The following ZNF331 variants were observed in gnomAD, a reference collection of about 807,000 sequenced individuals.
ZNF331 encodes C2H2-like zinc finger protein rearranged in thyroid adenomas.
Under a neutral mutation model 7.0 loss-of-function variants are expected in ZNF331, and 2 were observed. The observed-to-expected ratio is 0.29, with a 90% confidence interval of 0.12 to 0.90. The LOEUF (loss-of-function observed/expected upper bound fraction) is 0.90. Among genes scored for constraint, ZNF331 ranks in the 40% least tolerant of loss-of-function variants. The pLI is 0.58. For missense variants in ZNF331, 432 were observed against 587.7 expected, an observed-to-expected ratio of 0.74 and a Z score of 2.74; for synonymous variants, 196 against 205.4, an observed-to-expected ratio of 0.95 and a Z score of 0.39.
At chr19:53,508,550 T>C in the ZNF331 span, among the ~76,000 whole-genome samples, 1 of 152,180 alleles carries the variant, frequency 6.6e-6, no homozygotes, top group Non-Finnish European at 1.5e-5. Context: ...TTTGGATGTC[T>C]CTTCTTGACG....
chr19:53,558,870 CAT>C lies in ZNF331; in HGVS notation c.-74+2964_-74+2965del, dbSNP rs1039901588. 4.1e-5 allele frequency among the ~76,000 whole-genome samples: 6 copies of C among 144,894 alleles called. No homozygotes were observed. Among genetic ancestry groups the C allele is most frequent in the Non-Finnish European group, 9.0e-5 (6 of 66,816 alleles). ...CACACCATACACACATATACACACA[CAT>C]ACCCCATATATACACACATATACAC... is the stretch of plus-strand genomic sequence containing the variant. On this transcript the variant is annotated intron_variant, in intron 3 of 5. Coordinates refer to ENST00000449416, the MANE Select transcript of ZNF331 (RefSeq NM_001079906.2). The surrounding 1 kb of genome is among the most constrained non-coding windows in gnomAD (Gnocchi z 4.5).
At chr19:53,542,143 T>A (rs1364852914) in intron 2 of ZNF331, among the ~76,000 whole-genome samples, 1 of 152,234 alleles carries the variant, frequency 6.6e-6, no homozygotes, top group Non-Finnish European at 1.5e-5. Flanking sequence ...CTCCAAATCT[T>A]AATTTATAAA....
Position 53,578,053 on chromosome 19 carries a change from T to C in ZNF331, c.*101T>C. 7.3e-7 allele frequency: 1 copy of C among 1,362,986 alleles called. No individual in the cohort carries two copies. The highest frequency in any genetic ancestry group is 2.5e-5 in the East Asian group (1 of 40,412). The allele number at this position is 1,362,986 out of a possible 1,614,324, so 84.4% of individuals were successfully genotyped here. A position where few individuals can be genotyped will look rare whatever the true frequency, so the allele number is the denominator to read the frequency against. On this transcript the variant is annotated 3_prime_UTR_variant, in exon 6 of 6. Transcript: ENST00000449416. ...AGTTCAAAAATATTAAATGGAAAAT[T>C]CCAGAAATAAAGAATTTTAAGTCTC...
In ZNF331 at chr19:53,559,936, TAC is replaced by T. The variant is rs749372402; in HGVS notation, c.-74+4030_-74+4031del. Among the ~76,000 whole-genome samples the T allele has an allele frequency of 4.3e-4, 62 of 144,108 alleles. No individual in the cohort carries two copies. The Middle Eastern group carries it at 0.02, about 46-fold the overall frequency. The allele number at this position is 144,108 out of a possible 152,430, so 94.5% of individuals were successfully genotyped here. A position where few individuals can be genotyped will look rare whatever the true frequency, so the allele number is the denominator to read the frequency against. ...CATACATACCCACACCATACACACATACATACACACCACACACACACATATAC... is the reference window on the plus strand; with the variant it reads ...CATACATACCCACACCATACACACATATACACACCACACACACACATATAC... On this transcript the variant is annotated intron_variant, in intron 3 of 5. Coordinates refer to ENST00000449416, the MANE Select transcript of ZNF331 (RefSeq NM_001079906.2).
chr19:53,507,934 A>G, the ZNF331 span, among the ~76,000 whole-genome samples: 1 of 152,016 alleles, frequency 6.6e-6, no homozygotes, highest in Admixed American at 6.6e-5. Flanking sequence ...TGGAGGTTAC[A>G]AAAAAAATCA....
intron 3 of ZNF331, among the ~76,000 whole-genome samples, chr19:53,565,229 G>A (rs1345977516): frequency 6.6e-6 from 1 of 152,198 alleles, no homozygotes; most frequent in Non-Finnish European, 1.5e-5. Context: ...ACTCAGAGAG[G>A]TGCCAGGAAG....
chr19:53,551,040 T>C lies in ZNF331; in HGVS notation c.-137-4805T>C, dbSNP rs1404143828. On this transcript the variant is annotated intron_variant, in intron 2 of 5. Coordinates refer to ENST00000449416, the MANE Select transcript of ZNF331 (RefSeq NM_001079906.2). ...TAGAGATGGGGTTTCACCATGTTGG[T>C]CAGGCTGGTGTCGAACTCCTGACTT... is the stretch of plus-strand genomic sequence containing the variant. Among the ~76,000 whole-genome samples the C allele has an allele frequency of 2.0e-5, 3 of 150,248 alleles. No homozygotes were observed. In the East Asian group the frequency reaches 6.0e-4, roughly 30 times the overall value.
At chr19:53,522,709 A>G (rs756182707) in intron 2 of ZNF331, 14 of 152,288 alleles carry the variant, frequency 9.2e-5, no homozygotes, top group East Asian at 5.8e-4. Context: ...TGTTCATTCA[A>G]TGATTTGTAT....
intron 3 of ZNF331, among the ~76,000 whole-genome samples, chr19:53,567,539 C>A (rs143063891): frequency 2.0e-5 from 3 of 152,084 alleles, no homozygotes; most frequent in Admixed American, 1.3e-4. Flanking sequence ...TTCCTCAAAC[C>A]GCCCTCAGGT....
chr19:53,539,380 CCT>C lies in ZNF331; in HGVS notation c.-138+101_-138+102del, dbSNP rs1185694225. ...GACCAAGATTTGAGTCCTGTTTCTG[CCT>C]CTTAGCTTTTTGAGCCTTCTGAAGA... On this transcript the variant is annotated intron_variant, in intron 2 of 5. Transcript: ENST00000449416. This position sits in a 1 kb window ranked among gnomAD's most constrained non-coding sequence, Gnocchi z 6.1. 6.6e-6 allele frequency: 1 copy of C among 152,044 alleles called. No homozygotes were observed. Among genetic ancestry groups the C allele is most frequent in the Non-Finnish European group, 1.5e-5 (1 of 68,018 alleles). The allele number at this position is 152,044 out of a possible 1,614,324, so 9.4% of individuals were successfully genotyped here. A position where few individuals can be genotyped will look rare whatever the true frequency, so the allele number is the denominator to read the frequency against.
At chr19:53,547,339 C>A (rs62143910) in intron 2 of ZNF331, among the ~76,000 whole-genome samples, 22,893 of 152,100 alleles carry the variant, frequency 0.15, 2,183 homozygotes, top group East Asian at 0.2. Flanking sequence ...TCCAGATTTA[C>A]CCATGTTGTC....
chr19:53,515,547 G>C (rs1397137127), upstream of ZNF331, among the ~76,000 whole-genome samples: 2 of 152,194 alleles, frequency 1.3e-5, no homozygotes, highest in African/African-American at 2.4e-5. Flanking sequence ...GCCCAGGCTG[G>C]AGTGCAATGG....
upstream of ZNF331, among the ~76,000 whole-genome samples, chr19:53,515,811 C>T (rs62116773): frequency 8.1e-3 from 1,231 of 152,236 alleles, 5 homozygotes; most frequent in Non-Finnish European, 0.013. Context: ...TGACTTCTTT[C>T]GAAGCTCCTT....
At chr19:53,540,766 C>A (rs988772718) in intron 2 of ZNF331, among the ~76,000 whole-genome samples, 1 of 112,592 alleles carries the variant, frequency 8.9e-6, no homozygotes, top group African/African-American at 3.8e-5. Flanking sequence ...CTTGCTTTTG[C>A]TGGCTTCTAG....
the ZNF331 span, among the ~76,000 whole-genome samples, chr19:53,504,433 T>A: frequency 5.3e-5 from 8 of 151,898 alleles, no homozygotes; most frequent in African/African-American, 1.7e-4. Flanking sequence ...GGCCACTGTT[T>A]TATTCTGTAC....
intron 2 of ZNF331, among the ~76,000 whole-genome samples, chr19:53,550,285 T>C (rs1216966828): frequency 2.0e-5 from 3 of 152,216 alleles, no homozygotes; most frequent in Non-Finnish European, 2.9e-5. Flanking sequence ...TGTTTACTTG[T>C]TGATTTTCTG....
upstream of ZNF331, among the ~76,000 whole-genome samples, chr19:53,533,702 ATCT>A (rs1279017177): frequency 6.6e-6 from 1 of 152,204 alleles, no homozygotes; most frequent in African/African-American, 2.4e-5. Context: ...CAATTGATAC[ATCT>A]TCTTCATGAA....
At chr19:53,508,206 C>T in the ZNF331 span, among the ~76,000 whole-genome samples, 1 of 152,166 alleles carries the variant, frequency 6.6e-6, no homozygotes, top group Non-Finnish European at 1.5e-5. Context: ...GCTTGTGGTT[C>T]TTGGTGAAAG....
At chr19:53,552,385 T>C (rs116338806) in intron 2 of ZNF331, among the ~76,000 whole-genome samples, 330 of 152,250 alleles carry the variant, frequency 2.2e-3, no homozygotes, top group African/African-American at 7.7e-3. Flanking sequence ...GCATTTGCTA[T>C]ATTGACAGCT....
Sources: allele counts gnomAD v4.1 joint callset (sites outside exome capture counted in the v4.1 genomes callset), GRCh38; gene constraint gnomAD v4.1.1; non-coding constraint Gnocchi (gnomAD v3.1); transcripts MANE v1.5; gene names NCBI Gene and HGNC (gene_info 2026-07-23, HGNC 2026-07-21).